TPD52: variants seen among roughly 807,000 people sequenced by gnomAD.
TPD52 encodes prostate and colon associated protein.
TPD52 carries 17 observed loss-of-function variants against 31.3 expected under a neutral mutation model. The observed-to-expected ratio is 0.54, with a 90% CI of 0.37 to 0.82. The LOEUF (loss-of-function observed/expected upper bound fraction) is 0.82, where lower values mean the gene tolerates loss of function less well. Ranked by LOEUF, TPD52 falls within the 40% of genes least tolerant of loss-of-function variation. The pLI is 0.00. For synonymous variants in TPD52, 83 were observed against 89.6 expected (o/e 0.93, Z 0.42); for missense variants, 212 against 240.1 (o/e 0.88, Z 0.77).
At chr8:80,140,431 C>T (rs1163427318) in intron 1 of TPD52, among the ~76,000 whole-genome samples, 1 of 152,180 alleles carries the variant, frequency 6.6e-6, no homozygotes, top group Non-Finnish European at 1.5e-5. Flanking sequence ...AAACAGCTCG[C>T]TTTTTCCAGG....
At chr8:80,091,078 C>T (rs991114931) in intron 1 of TPD52, among the ~76,000 whole-genome samples, 6 of 152,170 alleles carry the variant, frequency 3.9e-5, no homozygotes, top group African/African-American at 1.2e-4. Flanking sequence ...CCAAACATGT[C>T]GTCTGGATAA....
chr8:80,171,257 C>A, intron 1 of TPD52, 168 bp downstream of exon 1: 1 of 853,644 alleles, frequency 1.2e-6, no homozygotes, highest in Non-Finnish European at 1.9e-6. Context: ...CCTTCCAGGG[C>A]CCCAGGATGC....
intron 1 of TPD52, among the ~76,000 whole-genome samples, chr8:80,109,509 C>T (rs998697274): frequency 2.6e-5 from 4 of 152,244 alleles, no homozygotes; most frequent in African/African-American, 9.6e-5. Flanking sequence ...CAGGTTCAAG[C>T]GATTCTCCTG....
At chr8:80,048,261 T>G (rs1335038580) in intron 5 of TPD52, among the ~76,000 whole-genome samples, 1 of 152,182 alleles carries the variant, frequency 6.6e-6, no homozygotes, top group Non-Finnish European at 1.5e-5. Flanking sequence ...AATCAAGGCA[T>G]AAGGCAAATA....
intron 1 of TPD52, among the ~76,000 whole-genome samples, chr8:80,152,830 C>T (rs560619240): frequency 4.1e-5 from 6 of 147,084 alleles, no homozygotes; most frequent in Admixed American, 1.4e-4. Flanking sequence ...AGGTTTCCTT[C>T]GAATTGAGGA....
At chr8:80,156,125 T>C (rs775285729) in intron 1 of TPD52, among the ~76,000 whole-genome samples, 1 of 151,948 alleles carries the variant, frequency 6.6e-6, no homozygotes, top group African/African-American at 2.4e-5. Context: ...TCAGCCTCAG[T>C]TGGGGGGACT....
intron 1 of TPD52, chr8:80,067,477 C>G (rs1393335200): frequency 6.6e-6 from 1 of 152,148 alleles, no homozygotes; most frequent in Non-Finnish European, 1.5e-5. Context: ...GCCACCATGA[C>G]AGAGTGCATT....
At chr8:80,110,343 T>C (rs1298477221) in intron 1 of TPD52, among the ~76,000 whole-genome samples, 1 of 151,974 alleles carries the variant, frequency 6.6e-6, no homozygotes, top group Non-Finnish European at 1.5e-5. Flanking sequence ...ATTGTCTCAC[T>C]GTGATTAGAA....
At position 80,072,312 on chromosome 8, in the gene TPD52, C is replaced by CAT. The variant is rs1436974056; in HGVS notation, c.20-7721_20-7720dup. On this transcript the variant is annotated intron_variant, in intron 1 of 7. Transcript: ENST00000518937. Reference sequence around the variant, plus strand: ...ACAGAGAGAGACTCCATCTAAAAAACATATATGTGTGTGTGTGTGTGTGTG... The same window carrying CAT: ...ACAGAGAGAGACTCCATCTAAAAAACATATATATGTGTGTGTGTGTGTGTGTG... Among the ~76,000 whole-genome samples the CAT allele has an allele frequency of 8.6e-3, 694 of 80,808 alleles. 19 individuals are homozygous for CAT. Among genetic ancestry groups the CAT allele is most frequent in the African/African-American group, 0.032 (645 of 20,264 alleles). The allele number at this position is 80,808 out of a possible 152,430, so 53.0% of individuals were successfully genotyped here. A position where few individuals can be genotyped will look rare whatever the true frequency, so the allele number is the denominator to read the frequency against.
intron 1 of TPD52, among the ~76,000 whole-genome samples, chr8:80,157,065 T>C (rs572305131): frequency 6.6e-6 from 1 of 152,294 alleles, no homozygotes; most frequent in South Asian, 2.1e-4. Context: ...CCGCTCCACT[T>C]TGGATTGGAG....
At chr8:80,111,243 G>A (rs758019985) in intron 1 of TPD52, among the ~76,000 whole-genome samples, 3 of 152,078 alleles carry the variant, frequency 2.0e-5, no homozygotes, top group East Asian at 3.9e-4. Context: ...AAAATAAATG[G>A]TTTAAAAGTG....
chr8:80,117,155 A>G (rs1586331431), intron 1 of TPD52, among the ~76,000 whole-genome samples: 2 of 152,322 alleles, frequency 1.3e-5, no homozygotes, highest in South Asian at 2.1e-4. Flanking sequence ...CAGGACACTT[A>G]GGCAAGAAAA....
intron 1 of TPD52, among the ~76,000 whole-genome samples, chr8:80,122,618 T>TA (rs1163268892): frequency 1.3e-5 from 2 of 152,064 alleles, no homozygotes; most frequent in Non-Finnish European, 2.9e-5. Flanking sequence ...AAAAAACACA[T>TA]ACAAATACCC....
At chr8:80,088,283 T>G (rs1815974408) in intron 1 of TPD52, among the ~76,000 whole-genome samples, 1 of 152,156 alleles carries the variant, frequency 6.6e-6, no homozygotes, top group Non-Finnish European at 1.5e-5. Context: ...GGGATCACAC[T>G]TGGAGTAACA....
chr8:80,115,371 A>G (rs1315401970), intron 1 of TPD52, among the ~76,000 whole-genome samples: 1 of 152,224 alleles, frequency 6.6e-6, no homozygotes, highest in African/African-American at 2.4e-5. Flanking sequence ...GTACTTACCA[A>G]TGGGCACAGA....
rs993078485 is a variant in TPD52, at chr8:80,083,411, C to A, written c.20-18818G>T. ...ATCTCACCTTAAATTGTAATAACAC[C>A]CACATGTCAAGGGCGGGACCAGGTG... On this transcript the variant is annotated intron_variant, in intron 1 of 7. Transcript: ENST00000518937. Among the ~76,000 whole-genome samples, 20 of 152,236 alleles carry A rather than the reference C, an allele frequency of 1.3e-4. No homozygotes were observed. The South Asian group carries it at 4.2e-3, about 32-fold the overall frequency.
At position 80,111,609 on chromosome 8, in the gene TPD52, G is replaced by T; in HGVS notation, c.20-47016C>A. ...TAAGATCTTGATCATATAGAATGAT[G>T]CAACTAGCTTACCATTAATAAATCA... is the stretch of plus-strand genomic sequence containing the variant. On this transcript the variant is annotated intron_variant, in intron 1 of 7. Coordinates refer to ENST00000518937, the MANE Select transcript of TPD52 (RefSeq NM_001025253.3). 1.3e-5 allele frequency among the ~76,000 whole-genome samples: 2 copies of T among 152,196 alleles called. 1 individual carries two copies. Among genetic ancestry groups the T allele is most frequent in the East Asian group, 3.8e-4 (2 of 5,204 alleles).
At chr8:80,055,847 C>T (rs1188505840) in intron 2 of TPD52, among the ~76,000 whole-genome samples, 1 of 152,190 alleles carries the variant, frequency 6.6e-6, no homozygotes, top group Non-Finnish European at 1.5e-5. Flanking sequence ...TATCACCTCA[C>T]ACCTGTTATT....
At chr8:80,140,032 C>G (rs778328582) in intron 1 of TPD52, among the ~76,000 whole-genome samples, 4 of 152,242 alleles carry the variant, frequency 2.6e-5, no homozygotes, top group Non-Finnish European at 5.9e-5. Flanking sequence ...ATGCTCTCAA[C>G]ATAATAAAGC....
Sources: allele counts gnomAD v4.1 joint callset (sites outside exome capture counted in the v4.1 genomes callset), GRCh38; gene constraint gnomAD v4.1.1; transcripts MANE v1.5; gene names NCBI Gene and HGNC (gene_info 2026-07-23, HGNC 2026-07-21).